The following EPHA6 variants were observed in gnomAD, a reference collection of about 807,000 sequenced individuals.
EPHA6 encodes EPH receptor A6, also known as ephrin type-A receptor 6.
In EPHA6, 50 loss-of-function variants were observed where a neutral mutation model predicts 112.0. That is an observed-to-expected ratio of 0.45 (90% CI 0.36 to 0.56). EPHA6 has a LOEUF of 0.56. Among genes scored for constraint, EPHA6 ranks in the 20% least tolerant of loss-of-function variants. The pLI, the probability that EPHA6 is intolerant of heterozygous loss-of-function variation, is 0.00. For missense variants in EPHA6, 1,280 were observed against 1,417.4 expected (o/e 0.90, Z 1.56); for synonymous variants, 529 against 490.7 (o/e 1.08, Z -1.03).
chr3:97,063,761 TA>T (rs1189997618), intron 3 of EPHA6, among the ~76,000 whole-genome samples: 3 of 151,804 alleles, frequency 2.0e-5, no homozygotes, highest in African/African-American at 4.8e-5. Context: ...GTTAAATAAT[TA>T]AAAAAAGAAA....
At chr3:97,272,895 C>T (rs116543382) in intron 5 of EPHA6, among the ~76,000 whole-genome samples, 2,381 of 151,836 alleles carry the variant, frequency 0.016, 79 homozygotes, top group African/African-American at 0.054. Flanking sequence ...AATAAAAAAA[C>T]GAAATAGTGG....
At chr3:97,109,401 A>T (rs1316238506) in intron 3 of EPHA6, among the ~76,000 whole-genome samples, 1 of 152,160 alleles carries the variant, frequency 6.6e-6, no homozygotes, top group African/African-American at 2.4e-5. Flanking sequence ...TCATGGGCCT[A>T]GTTCAGCCCA....
intron 6 of EPHA6, among the ~76,000 whole-genome samples, chr3:97,422,443 A>T (rs1400153018): frequency 6.6e-6 from 1 of 152,192 alleles, no homozygotes; most frequent in East Asian, 1.9e-4. Flanking sequence ...TGGAGTACCC[A>T]GATTCATAAA....
intron 14 of EPHA6, among the ~76,000 whole-genome samples, chr3:97,716,412 C>CA (rs1375639539): frequency 7.2e-6 from 1 of 139,252 alleles, no homozygotes; most frequent in Non-Finnish European, 1.5e-5. Flanking sequence ...ACTAAAAATA[C>CA]AAAAAATTAG....
chr3:97,635,463 C>A (rs775102820), intron 13 of EPHA6, among the ~76,000 whole-genome samples: 1 of 151,968 alleles, frequency 6.6e-6, no homozygotes, highest in African/African-American at 2.4e-5. Context: ...TAGAAATTAT[C>A]CAGCAATAAA....
At chr3:97,028,100 G>A (rs2044705138) in intron 3 of EPHA6, among the ~76,000 whole-genome samples, 1 of 152,140 alleles carries the variant, frequency 6.6e-6, no homozygotes, top group Admixed American at 6.6e-5. Context: ...AAAGCATGCG[G>A]AGGGTAGGAT....
At chr3:97,747,196 C>CA (rs2035754560) in intron 16 of EPHA6, among the ~76,000 whole-genome samples, 1 of 151,742 alleles carries the variant, frequency 6.6e-6, no homozygotes, top group African/African-American at 2.4e-5. Flanking sequence ...CCAGTCATAG[C>CA]AAAAAACACA....
chr3:97,485,756 G>A (rs1382276340), intron 10 of EPHA6, among the ~76,000 whole-genome samples: 1 of 152,206 alleles, frequency 6.6e-6, no homozygotes, highest in African/African-American at 2.4e-5. Context: ...TCTTAAGACA[G>A]CAAAGGGATA....
At chr3:97,255,522 C>A (rs2079282301) in intron 5 of EPHA6, among the ~76,000 whole-genome samples, 1 of 152,076 alleles carries the variant, frequency 6.6e-6, no homozygotes, top group African/African-American at 2.4e-5. Flanking sequence ...AAAATCTGTG[C>A]CTTTTTAAAC....
intron 14 of EPHA6, chr3:97,646,140 G>C (rs1275819549): frequency 6.5e-7 from 1 of 1,529,504 alleles, no homozygotes; most frequent in Non-Finnish European, 8.7e-7. Context: ...TCACAACAAA[G>C]AGCAATCAGA....
chr3:97,728,326 GA>G (rs1243145267), intron 15 of EPHA6, among the ~76,000 whole-genome samples: 6 of 150,334 alleles, frequency 4.0e-5, no homozygotes, highest in Admixed American at 2.7e-4. Context: ...GCTTCTTAAA[GA>G]AAAAAAAATA....
chr3:97,329,688 T>C (rs1285873441), intron 5 of EPHA6, among the ~76,000 whole-genome samples: 4 of 152,206 alleles, frequency 2.6e-5, no homozygotes, highest in Non-Finnish European at 4.4e-5. Flanking sequence ...TGTAAATTTG[T>C]TTGAGTTCAT....
chr3:97,553,776 T>C (rs552358894), intron 11 of EPHA6, among the ~76,000 whole-genome samples: 152 of 152,216 alleles, frequency 1.0e-3, no homozygotes, highest in African/African-American at 3.4e-3. Context: ...GGATGTCACA[T>C]TGCTCTCCCT....
At chr3:97,517,862 CTGGCTTA>C (rs2092472104) in intron 10 of EPHA6, among the ~76,000 whole-genome samples, 1 of 152,080 alleles carries the variant, frequency 6.6e-6, no homozygotes, top group Non-Finnish European at 1.5e-5. Flanking sequence ...CTTACTGTTT[CTGGCTTA>C]TTTCACTTTC....
At chr3:96,869,259 G>T (rs2107465144) in intron 2 of EPHA6, among the ~76,000 whole-genome samples, 2 of 151,884 alleles carry the variant, frequency 1.3e-5, no homozygotes, top group South Asian at 4.2e-4. Flanking sequence ...AGAATCACTA[G>T]GCCAAAGAAT....
chr3:96,833,764 T>G (rs1181463398), intron 1 of EPHA6, among the ~76,000 whole-genome samples: 1 of 151,996 alleles, frequency 6.6e-6, no homozygotes, highest in East Asian at 1.9e-4. Flanking sequence ...CTAACTGCAT[T>G]TATCATTTTG....
chr3:96,906,491 A>G (rs543470310), intron 2 of EPHA6, among the ~76,000 whole-genome samples: 1 of 152,164 alleles, frequency 6.6e-6, no homozygotes, highest in African/African-American at 2.4e-5. Context: ...AACGTCTTGA[A>G]CACTCTTCCA....
intron 11 of EPHA6, among the ~76,000 whole-genome samples, chr3:97,591,128 A>G (rs1300765040): frequency 2.6e-5 from 4 of 152,178 alleles, no homozygotes; most frequent in African/African-American, 7.2e-5. Flanking sequence ...AATCAACAAC[A>G]AAACTAGTTT....
At chr3:96,952,130 A>G (rs1302353870) in intron 2 of EPHA6, among the ~76,000 whole-genome samples, 1 of 152,136 alleles carries the variant, frequency 6.6e-6, no homozygotes, top group East Asian at 1.9e-4. Flanking sequence ...GACCATCATC[A>G]TTCAGCATTC....
Sources: allele counts gnomAD v4.1 joint callset (sites outside exome capture counted in the v4.1 genomes callset), GRCh38; gene constraint gnomAD v4.1.1; transcripts MANE v1.5; gene names NCBI Gene and HGNC (gene_info 2026-07-23, HGNC 2026-07-21).